The following DCAF11 variants were observed in gnomAD, a reference collection of about 807,000 sequenced individuals.
DCAF11 encodes the protein DDB1 and CUL4 associated factor 11, also known as DDB1- and CUL4-associated factor 11.
DCAF11 carries 44 observed loss-of-function variants against 76.1 expected under a neutral mutation model. That is an observed-to-expected ratio of 0.58 (90% CI 0.45 to 0.74). The LOEUF is 0.74. Ranked by LOEUF, DCAF11 falls within the 30% of genes least tolerant of loss-of-function variation. The pLI is 0.00. For missense variants in DCAF11, 604 were observed against 709.4 expected, an observed-to-expected ratio of 0.85 and a Z score of 1.69; for synonymous variants, 258 against 255.0, an observed-to-expected ratio of 1.01 and a Z score of -0.11.
chr14:24,121,023 G>C (rs1358162117), intron 12 of DCAF11, 32 bp downstream of exon 12: 1 of 1,611,022 alleles, frequency 6.2e-7, no homozygotes, highest in Non-Finnish European at 8.5e-7. Context: ...CAGTGGATTT[G>C]TCTGTAGCCT....
chr14:24,123,390 T>G lies in DCAF11; in HGVS notation c.*81T>G. 6.7e-7 allele frequency: 1 copy of G among 1,485,122 alleles called. No homozygotes were observed. The highest frequency in any genetic ancestry group is 9.0e-7 in the Non-Finnish European group (1 of 1,116,310). 92.0% of individuals were successfully genotyped at this position (1,485,122 alleles called of 1,614,324 possible). On this transcript the variant is annotated 3_prime_UTR_variant, in exon 15 of 15. Coordinates refer to ENST00000446197, the MANE Select transcript of DCAF11 (RefSeq NM_025230.5). ...CTCCCTTTCTCCCTTGTGGGGAATGTTTGGAGGAATCACTGGCATTTGATG... is the reference window on the plus strand; with the variant it reads ...CTCCCTTTCTCCCTTGTGGGGAATGGTTGGAGGAATCACTGGCATTTGATG...
chr14:24,116,678 C>T (rs553230257), intron 2 of DCAF11, among the ~76,000 whole-genome samples: 42 of 152,162 alleles, frequency 2.8e-4, no homozygotes, highest in African/African-American at 9.2e-4. Context: ...ATGTTTAGCT[C>T]GCTGGGAGGT....
chr14:24,122,596 CAAAA>C (rs1165141962), intron 13 of DCAF11, among the ~76,000 whole-genome samples: 6 of 151,860 alleles, frequency 4.0e-5, no homozygotes, highest in Non-Finnish European at 2.9e-5. Flanking sequence ...AGTCCCATGA[CAAAA>C]GAAAGATGCA....
Position 24,117,608 on chromosome 14 carries a change from G to T in DCAF11, c.412-60G>T. The T allele has an allele frequency of 6.3e-7, 1 of 1,585,804 alleles. No individual in the cohort carries two copies. ...GCAATATCTTTGGAGGAGGGGGCTT[G>T]ATATGGCTGAAGTGGCCCTCTATTT... is the stretch of plus-strand genomic sequence containing the variant. On this transcript the variant is annotated intron_variant, in intron 4 of 14. Coordinates refer to ENST00000446197, the MANE Select transcript of DCAF11 (RefSeq NM_025230.5). This position sits in a 1 kb window ranked among gnomAD's most constrained non-coding sequence, Gnocchi z 4.3.
intron 9 of DCAF11, 43 bp downstream of exon 9, chr14:24,119,256 G>C (rs1594337465): frequency 1.2e-6 from 2 of 1,610,348 alleles, no homozygotes; most frequent in Non-Finnish European, 1.7e-6. Flanking sequence ...ACAAGATGGG[G>C]GTTCTGCCAG....
chr14:24,117,623 G>T lies in DCAF11; in HGVS notation c.412-45G>T. ...GAGGGGGCTTGATATGGCTGAAGTG[G>T]CCCTCTATTTCTGCTAGCAATATTC... On this transcript the variant is annotated intron_variant, in intron 4 of 14. Transcript: ENST00000446197. The surrounding 1 kb of genome is among the most constrained non-coding windows in gnomAD (Gnocchi z 4.3). 6.2e-7 allele frequency: 1 copy of T among 1,600,398 alleles called. No homozygotes were observed.
In DCAF11 at chr14:24,121,633, CA is replaced by C. The variant is rs1166787219; in HGVS notation, c.1399+119del. The C allele has an allele frequency of 2.5e-6, 3 of 1,208,070 alleles. No individual in the cohort carries two copies. The African/African-American group carries it at 4.6e-5, about 19-fold the overall frequency. The allele number at this position is 1,208,070 out of a possible 1,614,324, so 74.8% of individuals were successfully genotyped here. On this transcript the variant is annotated intron_variant, in intron 13 of 14. Coordinates refer to ENST00000446197, the MANE Select transcript of DCAF11 (RefSeq NM_025230.5). ...GCCCAGTGACAGCTACAGGTAAAAT[CA>C]AACTTAGCTTGGAGGCTTAAACAGA...
Position 24,117,170 on chromosome 14 carries a change from G to A in DCAF11, c.284-96G>A. 6.2e-7 allele frequency: 1 copy of A among 1,603,548 alleles called. No homozygotes were observed. ...GGAATAAGGAGTCCTTACAGCCCCA[G>A]TATATTCAGCCACAGGGGTGGGCTT... On this transcript the variant is annotated intron_variant, in intron 3 of 14. Coordinates refer to ENST00000446197, the MANE Select transcript of DCAF11 (RefSeq NM_025230.5). This position sits in a 1 kb window ranked among gnomAD's most constrained non-coding sequence, Gnocchi z 4.3.
In DCAF11 at chr14:24,115,118, G is replaced by A; in HGVS notation, c.-389G>A. On this transcript the variant is annotated 5_prime_UTR_variant, in exon 1 of 15. Transcript: ENST00000446197. Reference sequence around the variant, plus strand: ...TTGTAAGGGGGCGCTCTGATTGGTCGATAAGGTGGGGGCGTCGAGGGTCTT... The same window carrying A: ...TTGTAAGGGGGCGCTCTGATTGGTCAATAAGGTGGGGGCGTCGAGGGTCTT... 2 of 663,900 alleles carry A rather than the reference G, an allele frequency of 3.0e-6. No homozygotes were observed. The highest frequency in any genetic ancestry group is 3.7e-6 in the Non-Finnish European group (2 of 535,572). The allele number at this position is 663,900 out of a possible 1,614,324, so 41.1% of individuals were successfully genotyped here.
In DCAF11 at chr14:24,115,139, G is replaced by C. The variant is rs1036110925; in HGVS notation, c.-368G>C. 1 of 383,906 alleles carries C rather than the reference G, an allele frequency of 2.6e-6. No individual in the cohort carries two copies. Among genetic ancestry groups the C allele is most frequent in the African/African-American group, 2.2e-5 (1 of 45,716 alleles). The allele number at this position is 383,906 out of a possible 1,614,324, so 23.8% of individuals were successfully genotyped here. A position where few individuals can be genotyped will look rare whatever the true frequency, so the allele number is the denominator to read the frequency against. ...GGTCGATAAGGTGGGGGCGTCGAGG[G>C]TCTTTGAGTCCTAAGGCTTCTAATT... On this transcript the variant is annotated 5_prime_UTR_variant, in exon 1 of 15. Transcript: ENST00000446197.
chr14:24,121,843 G>A (rs1429992351), intron 13 of DCAF11: 8 of 271,608 alleles, frequency 2.9e-5, no homozygotes, highest in Non-Finnish European at 5.0e-5. Flanking sequence ...ATGGTAGCAA[G>A]TAGTTAAGGG....
In DCAF11 at chr14:24,119,892, G is replaced by T; in HGVS notation, c.1088G>T (p.Ser363Ile). The T allele has an allele frequency of 2.5e-6, 4 of 1,609,854 alleles. No individual in the cohort carries two copies. The highest frequency in any genetic ancestry group is 3.4e-6 in the Non-Finnish European group (4 of 1,177,900). The stretch of plus-strand genomic sequence containing the variant: ...CAGGATGGCATCACCTTCATTGACA[G>T]CAAGGTGGGCCAGAAGTCAGGACTG... ...GHQDGITFIDSKGDARYLISN... is the reference protein window; with the variant it reads ...GHQDGITFIDIKGDARYLISN... Residue 363 changes from serine to isoleucine, a missense_variant, in exon 11 of 15, where the codon AGC becomes ATC. Coordinates refer to ENST00000446197, the MANE Select transcript of DCAF11 (RefSeq NM_025230.5).
chr14:24,117,259 C>T lies in DCAF11; in HGVS notation c.284-7C>T. 1 of 1,614,156 alleles carries T rather than the reference C, an allele frequency of 6.2e-7. No homozygotes were observed. On this transcript the variant is annotated splice_polypyrimidine_tract_variant and splice_region_variant and intron_variant, in intron 3 of 14. Coordinates refer to ENST00000446197, the MANE Select transcript of DCAF11 (RefSeq NM_025230.5). The surrounding 1 kb of genome is among the most constrained non-coding windows in gnomAD (Gnocchi z 4.3). ...CCTAGGATGAAACTTCTCCTTGGTA[C>T]TCACAGTGGATGCTACCCCTGACAC...
In DCAF11 at chr14:24,123,023, C is replaced by T. The variant is rs759298410; in HGVS notation, c.1452C>T (p.Ala484=). ...HIVKKLTNHK[A]CVRDVSWHPF... is the part of the protein sequence containing the mutation. ...TGAAGAAGCTGACCAACCACAAGGCCTGTGTGCGTGACGTCAGTTGGCACC... is the reference window on the plus strand; with the variant it reads ...TGAAGAAGCTGACCAACCACAAGGCTTGTGTGCGTGACGTCAGTTGGCACC... Residue 484 remains alanine, a synonymous_variant, in exon 14 of 15, where the codon GCC becomes GCT. Coordinates refer to ENST00000446197, the MANE Select transcript of DCAF11 (RefSeq NM_025230.5). 6.2e-7 allele frequency: 1 copy of T among 1,614,064 alleles called. No individual in the cohort carries two copies. Among genetic ancestry groups the T allele is most frequent in the Non-Finnish European group, 8.5e-7 (1 of 1,180,030 alleles).
chr14:24,121,421 G>T lies in DCAF11; in HGVS notation c.1303G>T (p.Gly435Ter). 1 of 1,614,166 alleles carries T rather than the reference G, an allele frequency of 6.2e-7. No individual in the cohort carries two copies. ...CTCCTTGATGACCTACCGGGGCCAC[G>T]GAGTGCTGCACACCCTCATCCGCTG... is the stretch of plus-strand genomic sequence containing the variant. ...DSSLMTYRGH[G>*]VLHTLIRCRF... is the part of the protein sequence containing the mutation. Residue 435 changes from glycine to a stop codon, truncating the protein, a stop_gained, in exon 13 of 15, where the codon GGA becomes TGA. Transcript: ENST00000446197. LOFTEE classifies it high-confidence loss of function.
rs149117330 is a variant in DCAF11, at chr14:24,120,898, C to T, written c.1153C>T (p.Arg385Ter). The T allele has an allele frequency of 5.6e-6, 9 of 1,614,180 alleles. No individual in the cohort carries two copies. Among genetic ancestry groups the T allele is most frequent in the Non-Finnish European group, 7.6e-6 (9 of 1,180,030 alleles). Reference sequence around the variant, plus strand: ...CCAGACCATCAAACTCTGGGATATCCGACGCTTTTCCAGCCGGGAAGGCAT... The same window carrying T: ...CCAGACCATCAAACTCTGGGATATCTGACGCTTTTCCAGCCGGGAAGGCAT... ...KDQTIKLWDIRRFSSREGMEA... is the reference protein window; with the variant it reads ...KDQTIKLWDI The change falls in exon 12 of 15, where the codon CGA becomes TGA. Residue 385 changes from arginine (R) to a stop codon, truncating the protein, a stop_gained. Coordinates refer to ENST00000446197, the MANE Select transcript of DCAF11 (RefSeq NM_025230.5). LOFTEE classifies it high-confidence loss of function.
At chr14:24,120,728 G>GT (rs1566593534) in intron 11 of DCAF11, 110 bp from the exon 12 acceptor site, 2 of 1,373,388 alleles carry the variant, frequency 1.5e-6, no homozygotes, top group East Asian at 4.6e-5. Flanking sequence ...AGAGAGGCAA[G>GT]TAAAGCCAGA....
Position 24,116,504 on chromosome 14 carries a change from A to G in DCAF11, c.156-413A>G, listed in dbSNP as rs117087796. Among the ~76,000 whole-genome samples, 147 of 152,240 alleles carry G rather than the reference A, an allele frequency of 9.7e-4. 1 individual carries two copies. The East Asian group carries it at 0.025, about 26-fold the overall frequency. On this transcript the variant is annotated intron_variant, in intron 2 of 14. Coordinates refer to ENST00000446197, the MANE Select transcript of DCAF11 (RefSeq NM_025230.5). Reference sequence around the variant, plus strand: ...CAGGTAGCTAAGACTACAGTTGCACACACCACCGCACCCAGCTTAGAATAT... The same window carrying G: ...CAGGTAGCTAAGACTACAGTTGCACGCACCACCGCACCCAGCTTAGAATAT...
chr14:24,119,268 G>C (rs756479343), intron 9 of DCAF11, 55 bp downstream of exon 9: 4 of 1,603,408 alleles, frequency 2.5e-6, no homozygotes, highest in Non-Finnish European at 3.4e-6. Flanking sequence ...TTCTGCCAGA[G>C]ATGAGTTCTG....
Sources: allele counts gnomAD v4.1 joint callset (sites outside exome capture counted in the v4.1 genomes callset), GRCh38; gene constraint gnomAD v4.1.1; non-coding constraint Gnocchi (gnomAD v3.1); transcripts MANE v1.5; gene names NCBI Gene and HGNC (gene_info 2026-07-23, HGNC 2026-07-21).